NUDT3: variants seen among roughly 807,000 people sequenced by gnomAD.
NUDT3 encodes the protein nudix hydrolase 3, also known as diphosphoinositol polyphosphate phosphohydrolase 1.
NUDT3 carries 9 observed loss-of-function variants against 23.6 expected under a neutral mutation model. The ratio of observed to expected loss-of-function variants is 0.38; its 90% CI spans 0.23 to 0.66. The LOEUF is 0.66. NUDT3 is among the 30% of genes least tolerant of loss of function. NUDT3 has a pLI of 0.52. For missense variants in NUDT3, 172 were observed against 218.5 expected (o/e 0.79, Z 1.34); for synonymous variants, 86 against 82.6 (o/e 1.04, Z -0.22).
At chr6:34,367,447 A>G (rs775548285) in intron 1 of NUDT3, among the ~76,000 whole-genome samples, 4 of 151,760 alleles carry the variant, frequency 2.6e-5, no homozygotes, top group Non-Finnish European at 4.4e-5. Context: ...GCACCATTGA[A>G]CTACAGCCTG....
intron 2 of NUDT3, among the ~76,000 whole-genome samples, chr6:34,323,595 A>G (rs1364361351): frequency 1.3e-5 from 2 of 152,098 alleles, no homozygotes; most frequent in Non-Finnish European, 1.5e-5. Context: ...AACAAGAAAC[A>G]AAGAAGAGAA....
intron 2 of NUDT3, among the ~76,000 whole-genome samples, chr6:34,310,999 A>G (rs1320092116): frequency 6.6e-6 from 1 of 152,088 alleles, no homozygotes; most frequent in Non-Finnish European, 1.5e-5. Context: ...AGGAAAAAAA[A>G]AAAAAAACTC....
intron 2 of NUDT3, among the ~76,000 whole-genome samples, chr6:34,297,753 A>ATTTTTT (rs1561899106): frequency 8.1e-5 from 8 of 98,186 alleles, no homozygotes; most frequent in Admixed American, 4.5e-4. Flanking sequence ...ATATATATAT[A>ATTTTTT]TATATAATTT....
intron 2 of NUDT3, among the ~76,000 whole-genome samples, chr6:34,296,248 G>A (rs1173424647): frequency 6.6e-6 from 1 of 152,180 alleles, no homozygotes. Context: ...CAGCCTGGGT[G>A]ACAAAGTGAG....
intron 2 of NUDT3, among the ~76,000 whole-genome samples, chr6:34,317,214 A>G (rs913603938): frequency 6.6e-6 from 1 of 152,148 alleles, no homozygotes; most frequent in Non-Finnish European, 1.5e-5. Flanking sequence ...ATCAAGGCTT[A>G]TACATACTGA....
intron 1 of NUDT3, among the ~76,000 whole-genome samples, chr6:34,382,830 C>CAA (rs35166080): frequency 1.4e-5 from 2 of 144,682 alleles, no homozygotes; most frequent in African/African-American, 2.5e-5. Flanking sequence ...GACCCTGTCT[C>CAA]AAAAAAAAAA....
chr6:34,340,980 T>C (rs1225273249), intron 2 of NUDT3, among the ~76,000 whole-genome samples: 5 of 152,144 alleles, frequency 3.3e-5, no homozygotes, highest in African/African-American at 7.2e-5. Flanking sequence ...AAAAGAAACA[T>C]AGGAATTAGA....
chr6:34,372,137 C>T (rs1764841861), intron 1 of NUDT3, among the ~76,000 whole-genome samples: 1 of 152,164 alleles, frequency 6.6e-6, no homozygotes, highest in Admixed American at 6.5e-5. Context: ...TTAATCCAGT[C>T]TATCACTGAT....
At chr6:34,382,072 C>CAAAA (rs957166787) in intron 1 of NUDT3, among the ~76,000 whole-genome samples, 1 of 34,952 alleles carries the variant, frequency 2.9e-5, no homozygotes, top group African/African-American at 9.3e-5. Context: ...GACTCTATCT[C>CAAAA]AAAAAAAAAA....
At chr6:34,343,877 G>C (rs138196895) in intron 1 of NUDT3, among the ~76,000 whole-genome samples, 382 of 152,210 alleles carry the variant, frequency 2.5e-3, no homozygotes, top group Middle Eastern at 0.017. Flanking sequence ...ACAATAAAAA[G>C]ATAAACAGTA....
At chr6:34,323,284 A>G (rs1763973546) in intron 2 of NUDT3, among the ~76,000 whole-genome samples, 1 of 152,082 alleles carries the variant, frequency 6.6e-6, no homozygotes, top group Non-Finnish European at 1.5e-5. Context: ...GGGCACAAAG[A>G]AAGACGGGCT....
intron 1 of NUDT3, among the ~76,000 whole-genome samples, chr6:34,376,593 T>C (rs1254951643): frequency 6.6e-6 from 1 of 152,166 alleles, no homozygotes; most frequent in Non-Finnish European, 1.5e-5. Flanking sequence ...ATCTTTAACA[T>C]ATCATCTGTT....
At chr6:34,387,941 C>T (rs560686459) in intron 1 of NUDT3, among the ~76,000 whole-genome samples, 22 of 152,232 alleles carry the variant, frequency 1.4e-4, no homozygotes, top group African/African-American at 5.3e-4. Flanking sequence ...CATTTACTCA[C>T]CGCTCACTCA....
intron 1 of NUDT3, among the ~76,000 whole-genome samples, chr6:34,360,927 A>G (rs1259219836): frequency 1.3e-5 from 2 of 152,200 alleles, no homozygotes. Context: ...TCATGAAGAA[A>G]TATATACATA....
intron 1 of NUDT3, among the ~76,000 whole-genome samples, chr6:34,355,689 T>TG (rs1219740325): frequency 3.1e-4 from 31 of 99,822 alleles, no homozygotes; most frequent in South Asian, 1.3e-3. Context: ...GCTGTTTTTT[T>TG]GGGGGGGTGG....
At position 34,286,826 on chromosome 6, in the gene NUDT3, T is replaced by C. The variant is rs2113687842; in HGVS notation, c.*1927A>G. 1 of 149,562 alleles carries C rather than the reference T, an allele frequency of 6.7e-6. No individual in the cohort carries two copies. Among genetic ancestry groups the C allele is most frequent in the East Asian group, 2.0e-4 (1 of 5,118 alleles). 9.3% of individuals were successfully genotyped at this position (149,562 alleles called of 1,614,324 possible). ...TTTTTTTGAGATGGAGTTTCACTCT[T>C]ATCACCCAGGCTGGACGACAGTGGT... On this transcript the variant is annotated 3_prime_UTR_variant, in exon 5 of 5. Coordinates refer to ENST00000607016, the MANE Select transcript of NUDT3 (RefSeq NM_006703.4).
Position 34,349,963 on chromosome 6 carries a change from G to A in NUDT3, c.100-7991C>T, listed in dbSNP as rs1239382221. Among the ~76,000 whole-genome samples, 3 of 150,192 alleles carry A rather than the reference G, an allele frequency of 2.0e-5. 1 individual carries two copies. The highest frequency in any genetic ancestry group is 4.4e-5 in the Non-Finnish European group (3 of 67,702). ...AAATGAGCCAGGCGTGGTAGCGGGT[G>A]CCTGTAGTCCCAGCTACTCGGGAGG... On this transcript the variant is annotated intron_variant, in intron 1 of 4. Transcript: ENST00000607016.
At chr6:34,368,678 GC>G (rs1293661841) in intron 1 of NUDT3, among the ~76,000 whole-genome samples, 3 of 152,018 alleles carry the variant, frequency 2.0e-5, no homozygotes, top group Non-Finnish European at 2.9e-5. Context: ...TCACTCTGTC[GC>G]CCAGGCTGGA....
chr6:34,391,944 C>T (rs1313391124), intron 1 of NUDT3, among the ~76,000 whole-genome samples: 1 of 152,208 alleles, frequency 6.6e-6, no homozygotes, highest in African/African-American at 2.4e-5. Context: ...GGACCGAAAG[C>T]CGCACTCTTC....
Sources: gnomAD v4.1 joint callset for allele counts (sites outside exome capture counted in the v4.1 genomes callset) on GRCh38, gnomAD v4.1.1 for gene constraint, MANE v1.5 for transcripts, NCBI Gene and HGNC (gene_info 2026-07-23, HGNC 2026-07-21) for gene names.